PYY: variants seen among roughly 807,000 people sequenced by gnomAD.
PYY encodes peptide YY.
In PYY, 12 loss-of-function variants were observed where a neutral mutation model predicts 10.3. The observed-to-expected ratio is 1.17, with a 90% CI of 0.75 to 1.89. The LOEUF is 1.89. PYY is among the 40% of genes most tolerant of loss of function. The pLI, the probability that PYY is intolerant of heterozygous loss-of-function variation, is 0.00. For synonymous variants in PYY, 66 were observed against 62.0 expected (o/e 1.06, Z -0.30); for missense variants, 141 against 134.0 (o/e 1.05, Z -0.26).
chr17:43,989,100 C>A (rs997377285), intron 1 of PYY, among the ~76,000 whole-genome samples: 1 of 149,276 alleles, frequency 6.7e-6, no homozygotes, highest in African/African-American at 2.5e-5. Flanking sequence ...ACAGGCTGGG[C>A]GCGGTGGCTC....
chr17:43,999,651 C>T (rs1190035256), intron 1 of PYY, among the ~76,000 whole-genome samples: 3 of 151,948 alleles, frequency 2.0e-5, no homozygotes, highest in South Asian at 4.2e-4. Flanking sequence ...GCCTGTAATC[C>T]CAGCTACTCG....
intron 2 of PYY, among the ~76,000 whole-genome samples, chr17:43,964,087 G>A (rs891206746): frequency 3.9e-5 from 6 of 152,106 alleles, no homozygotes; most frequent in Non-Finnish European, 7.4e-5. Flanking sequence ...ACAGGGTCTT[G>A]CTCTGCCATC....
intron 2 of PYY, among the ~76,000 whole-genome samples, chr17:43,962,643 C>T (rs2048720531): frequency 6.6e-6 from 1 of 152,192 alleles, no homozygotes; most frequent in Admixed American, 6.5e-5. Context: ...GGGGCTTCCC[C>T]ATTCCCCAGG....
rs1457257291 is a variant in PYY, at chr17:43,987,706, T to C, written c.-463+16685A>G. Among the ~76,000 whole-genome samples the C allele has an allele frequency of 1.3e-5, 2 of 152,236 alleles. No homozygotes were observed. The highest frequency in any genetic ancestry group is 1.9e-4 in the East Asian group (1 of 5,204). ...TGGGCCCCTCGTCTGTGCCAGTCCTTGCTCCAGGCACTGAGAGGAGGCCAG... is the reference window on the plus strand; with the variant it reads ...TGGGCCCCTCGTCTGTGCCAGTCCTCGCTCCAGGCACTGAGAGGAGGCCAG... On this transcript the variant is annotated intron_variant, in intron 1 of 6. Transcript: ENST00000360085. The surrounding 1 kb of genome is among the most constrained non-coding windows in gnomAD (Gnocchi z 4.0).
Position 43,953,417 on chromosome 17 carries a change from C to A in PYY, c.67G>T (p.Gly23Trp), listed in dbSNP as rs1394934233. 1.2e-6 allele frequency: 2 copies of A among 1,612,990 alleles called. No homozygotes were observed. The highest frequency in any genetic ancestry group is 1.7e-6 in the Non-Finnish European group (2 of 1,179,594). The change falls in exon 2 of 4, where the codon GGG becomes TGG. Residue 23 changes from glycine to tryptophan, a missense_variant. Gly to Trp is a radical substitution (Grantham distance 184, BLOSUM62 -2). Transcript: ENST00000692052. The part of the protein sequence containing the change: ...TVLLALLVCL[G>W]ALVDAYPIKP... ...ATGGGGTAGGCGTCGACCAGCGCCC[C>A]TAGGCAGACGAGCAGGGCCAGAAGC...
intron 1 of PYY, among the ~76,000 whole-genome samples, chr17:44,003,072 C>T (rs959574286): frequency 3.3e-5 from 5 of 152,118 alleles, no homozygotes; most frequent in African/African-American, 1.2e-4. Context: ...GGGTCTCATT[C>T]TGTCGCCCAG....
At chr17:43,991,453 C>G (rs573665997) in intron 1 of PYY, among the ~76,000 whole-genome samples, 3 of 151,960 alleles carry the variant, frequency 2.0e-5, no homozygotes, top group Admixed American at 1.3e-4. Context: ...TAAATAAGAT[C>G]TCAACTGGGA....
rs182735064 is a variant in PYY at position 43,987,865 on chromosome 17, G to A, written c.-463+16526C>T. 2.1e-4 allele frequency among the ~76,000 whole-genome samples: 32 copies of A among 152,334 alleles called. No individual in the cohort carries two copies. Among genetic ancestry groups the A allele is most frequent in the Non-Finnish European group, 3.5e-4 (24 of 68,040 alleles). On this transcript the variant is annotated intron_variant, in intron 1 of 6. Transcript: ENST00000360085. This position sits in a 1 kb window ranked among gnomAD's most constrained non-coding sequence, Gnocchi z 4.0. Reference sequence around the variant, plus strand: ...AATAGGGAGGGAGGAAGGGGGCAAGGATGGAGAACGAGTGCTTCGGTAGCA... The same window carrying A: ...AATAGGGAGGGAGGAAGGGGGCAAGAATGGAGAACGAGTGCTTCGGTAGCA...
chr17:44,002,796 C>A (rs2049038147), intron 1 of PYY, among the ~76,000 whole-genome samples: 1 of 152,178 alleles, frequency 6.6e-6, no homozygotes, highest in Admixed American at 6.6e-5. Context: ...CCTGGAGTCA[C>A]TGAGAGGATT....
At chr17:43,984,989 C>CA (rs2048907002) in intron 1 of PYY, among the ~76,000 whole-genome samples, 1 of 151,992 alleles carries the variant, frequency 6.6e-6, no homozygotes, top group South Asian at 2.1e-4. Context: ...TCTAAATATA[C>CA]AAACAAAAGA....
At chr17:43,981,214 C>T (rs954340228) in intron 1 of PYY, among the ~76,000 whole-genome samples, 1 of 152,056 alleles carries the variant, frequency 6.6e-6, no homozygotes, top group African/African-American at 2.4e-5. Context: ...TATATACACA[C>T]GTCTGTTGAG....
At chr17:43,962,152 T>G (rs531781325) in intron 2 of PYY, among the ~76,000 whole-genome samples, 6 of 152,272 alleles carry the variant, frequency 3.9e-5, no homozygotes, top group African/African-American at 1.2e-4. Flanking sequence ...CCAAGTGACT[T>G]CTTGTGACTA....
chr17:43,953,807 A>C, intron 1 of PYY, 43 bp downstream of exon 1: 1 of 217,016 alleles, frequency 4.6e-6, no homozygotes, highest in Non-Finnish European at 9.2e-6. Flanking sequence ...TTTCCCCACA[A>C]AACAGCCTGG....
chr17:43,971,288 G>A (rs778293967), intron 1 of PYY, among the ~76,000 whole-genome samples: 3 of 151,940 alleles, frequency 2.0e-5, no homozygotes, highest in African/African-American at 7.3e-5. Flanking sequence ...TGCATTTTCC[G>A]GCCAAGCGTG....
At position 43,994,327 on chromosome 17, in the gene PYY, G is replaced by T. The variant is rs200077472; in HGVS notation, c.-463+10064C>A. Among the ~76,000 whole-genome samples, 14 of 151,976 alleles carry T rather than the reference G, an allele frequency of 9.2e-5. No individual in the cohort carries two copies. In the East Asian group the frequency reaches 2.7e-3, roughly 29 times the overall value. ...TCAAAACCCTGCAGCGGCTCCCCAG[G>T]TCTCCTTAACCTACACCCCACCCCT... On this transcript the variant is annotated intron_variant, in intron 1 of 6. Coordinates refer to the PYY transcript ENST00000360085.
chr17:43,965,816 A>AAAG (rs1555617405), intron 2 of PYY, among the ~76,000 whole-genome samples: 12 of 142,712 alleles, frequency 8.4e-5, no homozygotes, highest in Non-Finnish European at 1.1e-4. Context: ...AAAAAAAAAA[A>AAAG]AGAGAGAGAA....
rs556233458 is a variant in PYY, at chr17:43,984,158, G to C, written c.-462-17626C>G. 1.3e-3 allele frequency among the ~76,000 whole-genome samples: 205 copies of C among 152,230 alleles called. 1 individual carries two copies. Among genetic ancestry groups the C allele is most frequent in the Non-Finnish European group, 2.1e-3 (142 of 68,014 alleles). ...CAAGAAGCGATGGGGTCGCTGTTAGGGGGGGCGCCAGCCCCGGGGATGCGG... is the reference window on the plus strand; with the variant it reads ...CAAGAAGCGATGGGGTCGCTGTTAGCGGGGGCGCCAGCCCCGGGGATGCGG... On this transcript the variant is annotated intron_variant, in intron 1 of 6. Transcript: ENST00000360085.
intron 1 of PYY, among the ~76,000 whole-genome samples, chr17:43,992,742 C>A (rs991476655): frequency 6.6e-6 from 1 of 152,026 alleles, no homozygotes; most frequent in Admixed American, 6.6e-5. Context: ...CAAAATTAGT[C>A]GGGTATGGTG....
At position 43,975,319 on chromosome 17, in the gene PYY, A is replaced by G. The variant is rs759285366; in HGVS notation, c.-462-8787T>C. Among the ~76,000 whole-genome samples the G allele has an allele frequency of 4.1e-4, 63 of 152,194 alleles. 1 individual carries two copies. The highest frequency in any genetic ancestry group is 6.8e-3 in the Middle Eastern group (2 of 294). ...GGTTTGAATCCCACTCGCATTTCTT[A>G]GCTGTGTGACTTTGAGAGAGTTTGC... On this transcript the variant is annotated intron_variant, in intron 1 of 6. Transcript: ENST00000360085.
Sources: gnomAD v4.1 joint callset for allele counts (sites outside exome capture counted in the v4.1 genomes callset) on GRCh38, gnomAD v4.1.1 for gene constraint, Gnocchi (gnomAD v3.1) non-coding constraint, MANE v1.5 for transcripts, NCBI Gene and HGNC (gene_info 2026-07-23, HGNC 2026-07-21) for gene names.